Variants in SLC26A8 observed in about 807,000 individuals in gnomAD.
The protein encoded by SLC26A8 is solute carrier family 26 member 8.
In SLC26A8, 70 loss-of-function variants were observed where a neutral mutation model predicts 105.0. The observed-to-expected ratio is 0.67, with a 90% CI of 0.55 to 0.81. SLC26A8 has a LOEUF of 0.81. Ranked by LOEUF, SLC26A8 falls within the 40% of genes least tolerant of loss-of-function variation. SLC26A8 has a pLI of 0.00. For missense variants in SLC26A8, 998 were observed against 1,181.8 expected (o/e 0.84, Z 2.28); for synonymous variants, 415 against 438.3 (o/e 0.95, Z 0.66).
Position 35,955,134 on chromosome 6 carries a change from G to A in SLC26A8, c.2232+18C>T, listed in dbSNP as rs781538628. 2 of 1,613,924 alleles carry A rather than the reference G, an allele frequency of 1.2e-6. No individual in the cohort carries two copies. The highest frequency in any genetic ancestry group is 1.7e-6 in the Non-Finnish European group (2 of 1,179,950). On this transcript the variant is annotated intron_variant, in intron 17 of 19. Transcript: ENST00000490799. ...GGAGGGGGATCAGAGCTCCTGCCAA[G>A]GCCTCCTCAGTACTTACCTGTCTTA...
rs182055577 is a variant in SLC26A8, at chr6:35,968,927, T to A, written c.1315A>T (p.Met439Leu). ...CCCATCTTCACCATCAGGAGCAGCA[T>A]CACACCTGCGCCTACCAGAGATGCA... ...QFASLVGAGV[M>L]LLLMVKMGHF... Residue 439 changes from methionine (M) to leucine (L), a missense_variant, in exon 11 of 20, where the codon ATG becomes TTG. Met to Leu is a conservative substitution (Grantham distance 15, BLOSUM62 2). Coordinates refer to ENST00000490799, the MANE Select transcript of SLC26A8 (RefSeq NM_052961.4). 47 of 1,611,610 alleles carry A rather than the reference T, an allele frequency of 2.9e-5. No individual in the cohort carries two copies. The East Asian group carries it at 9.8e-4, about 34-fold the overall frequency.
chr6:35,992,525 G>A lies in SLC26A8; in HGVS notation c.777C>T (p.Pro259=). 1 of 1,612,632 alleles carries A rather than the reference G, an allele frequency of 6.2e-7. No homozygotes were observed. Among genetic ancestry groups the A allele is most frequent in the South Asian group, 1.1e-5 (1 of 90,826 alleles). Reference sequence around the variant, plus strand: ...AATTACTCACATAGAAGAAGGAGATGGGACCGGCATGGAAACTAATCATAA... The same window carrying A: ...AATTACTCACATAGAAGAAGGAGATAGGACCGGCATGGAAACTAATCATAA... ...FGIMISFHAG[P]ISFFYDIINY... is the part of the protein sequence containing the mutation. Residue 259 remains proline (P), a synonymous_variant, in exon 6 of 20, where the codon CCC becomes CCT. Transcript: ENST00000490799.
At chr6:35,979,930 A>G (rs1374000975) in intron 8 of SLC26A8, among the ~76,000 whole-genome samples, 1 of 152,210 alleles carries the variant, frequency 6.6e-6, no homozygotes, top group South Asian at 2.1e-4. Flanking sequence ...GTAACTTTGA[A>G]TCTTATAAGA....
intron 3 of SLC26A8, among the ~76,000 whole-genome samples, chr6:36,004,704 C>A (rs1357288764): frequency 1.3e-5 from 2 of 151,754 alleles, no homozygotes; most frequent in African/African-American, 4.8e-5. Flanking sequence ...GTCACCCAGG[C>A]TGGAGTGCGA....
intron 19 of SLC26A8, among the ~76,000 whole-genome samples, chr6:35,949,500 A>T (rs1380559128): frequency 6.6e-6 from 1 of 152,124 alleles, no homozygotes; most frequent in Non-Finnish European, 1.5e-5. Flanking sequence ...TACATTAAAG[A>T]GTATAACATA....
intron 5 of SLC26A8, among the ~76,000 whole-genome samples, chr6:35,997,156 T>C (rs1251539172): frequency 6.6e-6 from 1 of 152,114 alleles, no homozygotes; most frequent in Non-Finnish European, 1.5e-5. Flanking sequence ...TGTGGCCTGT[T>C]AGGAACCGGG....
At chr6:36,014,597 T>G (rs998827962) in intron 2 of SLC26A8, among the ~76,000 whole-genome samples, 1 of 152,128 alleles carries the variant, frequency 6.6e-6, no homozygotes, top group African/African-American at 2.4e-5. Context: ...AAAACTCACT[T>G]ATGGCCAGGT....
intron 11 of SLC26A8, among the ~76,000 whole-genome samples, chr6:35,967,736 A>G (rs868220368): frequency 6.6e-6 from 1 of 152,190 alleles, no homozygotes; most frequent in Admixed American, 6.5e-5. Context: ...TTCCAAGCCC[A>G]TGTTGGTGTG....
intron 10 of SLC26A8, among the ~76,000 whole-genome samples, chr6:35,972,891 T>A (rs1772851448): frequency 6.6e-6 from 1 of 152,214 alleles, no homozygotes; most frequent in African/African-American, 2.4e-5. Context: ...GCACAGCCAG[T>A]CTTCCTCCAG....
intron 5 of SLC26A8, 69 bp downstream of exon 5, chr6:35,997,669 T>G: frequency 6.9e-7 from 1 of 1,458,520 alleles, no homozygotes. Flanking sequence ...AGGAGCAGTA[T>G]AAGGAAGGGG....
intron 2 of SLC26A8, among the ~76,000 whole-genome samples, chr6:36,015,643 A>C (rs1356553983): frequency 1.3e-5 from 2 of 152,164 alleles, no homozygotes; most frequent in Admixed American, 1.3e-4. Flanking sequence ...TTAGGGAAAA[A>C]GACTATCATT....
At chr6:35,963,957 C>T (rs1562026866) in intron 11 of SLC26A8, among the ~76,000 whole-genome samples, 1 of 152,014 alleles carries the variant, frequency 6.6e-6, no homozygotes, top group African/African-American at 2.4e-5. Context: ...GCCTGTAATC[C>T]CCAGCACTTT....
intron 16 of SLC26A8, among the ~76,000 whole-genome samples, chr6:35,956,428 C>CAAA (rs56146863): frequency 1.0e-4 from 11 of 105,848 alleles, no homozygotes; most frequent in African/African-American, 2.9e-4. Flanking sequence ...ACCTTATGTC[C>CAAA]AAAAAAAAAA....
At chr6:35,948,463 C>T (rs572766631) in intron 19 of SLC26A8, among the ~76,000 whole-genome samples, 1 of 152,184 alleles carries the variant, frequency 6.6e-6, no homozygotes, top group South Asian at 2.1e-4. Context: ...GTGGCGCATG[C>T]CTGTAAGCCC....
intron 10 of SLC26A8, 95 bp downstream of exon 10, chr6:35,975,277 CAAG>C (rs761108645): frequency 2.1e-4 from 116 of 558,066 alleles, no homozygotes; most frequent in Non-Finnish European, 3.3e-4. Flanking sequence ...ATTAAAACAG[CAAG>C]AAGATTAAAC....
chr6:35,951,101 ACCCATCC>A, intron 19 of SLC26A8, 55 bp downstream of exon 19: 5 of 1,072,398 alleles, frequency 4.7e-6, no homozygotes, highest in Non-Finnish European at 6.4e-6. Flanking sequence ...ACCACCCCTC[ACCCATCC>A]CCCCACTGCC....
chr6:35,953,239 A>G (rs544594557), intron 17 of SLC26A8, among the ~76,000 whole-genome samples: 3 of 152,300 alleles, frequency 2.0e-5, no homozygotes, highest in Admixed American at 2.0e-4. Context: ...TGGAACAGAA[A>G]GTCATCAACA....
At position 35,946,157 on chromosome 6, in the gene SLC26A8, C is replaced by G. The variant is rs145021414; in HGVS notation, c.2473-1817G>C. Among the ~76,000 whole-genome samples, 1,094 of 152,324 alleles carry G rather than the reference C, an allele frequency of 7.2e-3. 15 individuals are homozygous for G. The highest frequency in any genetic ancestry group is 0.014 in the Middle Eastern group (4 of 294). On this transcript the variant is annotated intron_variant, in intron 19 of 19. Transcript: ENST00000490799. ...ATGATTCTTTGGTTATAACCCTTCC[C>G]CTGATCTGCAGGTTCATAAATTCAC...
intron 1 of SLC26A8, among the ~76,000 whole-genome samples, chr6:36,023,792 T>C (rs922946399): frequency 6.6e-6 from 1 of 152,124 alleles, no homozygotes; most frequent in Non-Finnish European, 1.5e-5. Context: ...ACCTAGGTTT[T>C]TATGGAGAAT....
Sources: gnomAD v4.1 joint callset for allele counts (sites outside exome capture counted in the v4.1 genomes callset) on GRCh38, gnomAD v4.1.1 for gene constraint, MANE v1.5 for transcripts, NCBI Gene and HGNC (gene_info 2026-07-23, HGNC 2026-07-21) for gene names.